The following PSME4 variants were observed in gnomAD, a reference collection of about 807,000 sequenced individuals.
The protein encoded by PSME4 is proteasome activator complex subunit 4.
Under a neutral mutation model 253.9 loss-of-function variants are expected in PSME4, and 89 were observed. That is an observed-to-expected ratio of 0.35 (90% CI 0.30 to 0.42). The LOEUF is 0.42. Ranked by LOEUF, PSME4 falls within the 10% of genes least tolerant of loss-of-function variation. The pLI, the probability that PSME4 is intolerant of heterozygous loss-of-function variation, is 1.00. For synonymous variants in PSME4, 851 were observed against 759.2 expected (o/e 1.12, Z -1.99); for missense variants, 2,014 against 2,195.2 (o/e 0.92, Z 1.65).
At chr2:53,872,738 T>A (rs1466036492) in intron 43 of PSME4, among the ~76,000 whole-genome samples, 1 of 47,094 alleles carries the variant, frequency 2.1e-5, no homozygotes, top group African/African-American at 1.1e-4. Context: ...CAAGACTTGG[T>A]CTCAAAAAAA....
chr2:53,909,553 AT>A (rs1191228083), intron 21 of PSME4, among the ~76,000 whole-genome samples: 29 of 152,226 alleles, frequency 1.9e-4, no homozygotes, highest in Admixed American at 3.3e-4. Flanking sequence ...CTTACTGGCT[AT>A]TCTTTATACA....
Position 53,949,223 on chromosome 2 carries a change from T to C in PSME4, c.303A>G (p.Leu101=). 1.2e-6 allele frequency: 2 copies of C among 1,611,184 alleles called. No homozygotes were observed. Among genetic ancestry groups the C allele is most frequent in the Non-Finnish European group, 1.7e-6 (2 of 1,178,582 alleles). The part of the protein sequence containing the change: ...SKEDHVLFIK[L]LYELVSIPKL... ...TTGGAATTGATACCAGCTCATACAA[T>C]AACTTAATAAAAAGAACATGATCTT... Residue 101 remains leucine, a synonymous_variant, in exon 2 of 47, where the codon TTA becomes TTG. Coordinates refer to ENST00000404125, the MANE Select transcript of PSME4 (RefSeq NM_014614.3).
intron 7 of PSME4, among the ~76,000 whole-genome samples, chr2:53,935,337 AAAC>A (rs1669051571): frequency 6.6e-6 from 1 of 152,210 alleles, no homozygotes; most frequent in Non-Finnish European, 1.5e-5. Flanking sequence ...TCTAATGGCC[AAAC>A]AACACAGGAA....
intron 14 of PSME4, among the ~76,000 whole-genome samples, chr2:53,923,942 A>T (rs1668447880): frequency 7.3e-6 from 1 of 137,768 alleles, no homozygotes; most frequent in African/African-American, 2.6e-5. Context: ...AAAAAAAAAA[A>T]AAATTGAGGT....
intron 19 of PSME4, 104 bp from the exon 20 acceptor site, chr2:53,919,350 G>C (rs1206952470): frequency 7.3e-7 from 1 of 1,364,902 alleles, no homozygotes; most frequent in Non-Finnish European, 9.5e-7. Flanking sequence ...AAATGATTAA[G>C]GTAAAGAAAT....
At chr2:53,946,674 TCACTTGAGCC>T (rs1413844150) in intron 3 of PSME4, among the ~76,000 whole-genome samples, 1 of 152,130 alleles carries the variant, frequency 6.6e-6, no homozygotes, top group Non-Finnish European at 1.5e-5. Flanking sequence ...GGCGGGAGGA[TCACTTGAGCC>T]CAGGAGTTCA....
intron 1 of PSME4, among the ~76,000 whole-genome samples, chr2:53,967,578 G>A (rs1428414568): frequency 6.9e-6 from 1 of 144,626 alleles, no homozygotes; most frequent in African/African-American, 2.5e-5. Flanking sequence ...GGAGGTGGAG[G>A]TGGAGGTTGC....
intron 3 of PSME4, among the ~76,000 whole-genome samples, chr2:53,940,966 T>A (rs966104967): frequency 0.012 from 802 of 67,726 alleles, 72 homozygotes; most frequent in African/African-American, 0.037. Flanking sequence ...TATATATATA[T>A]ATATATATAT....
At chr2:53,868,624 T>A (rs1678722751) in intron 44 of PSME4, among the ~76,000 whole-genome samples, 1 of 140,830 alleles carries the variant, frequency 7.1e-6, no homozygotes, top group Non-Finnish European at 1.5e-5. Flanking sequence ...CATATATATA[T>A]CCCAAAAAGC....
At chr2:53,908,961 T>A in intron 21 of PSME4, 121 bp from the exon 22 acceptor site, 1 of 666,138 alleles carries the variant, frequency 1.5e-6, no homozygotes, top group Non-Finnish European at 2.5e-6. Context: ...TAGGTCTGCC[T>A]TTACCATAGT....
chr2:53,912,973 T>C (rs941182518), intron 20 of PSME4, among the ~76,000 whole-genome samples: 1 of 152,240 alleles, frequency 6.6e-6, no homozygotes, highest in African/African-American at 2.4e-5. Context: ...ATCTATATTC[T>C]GACTAAAAGC....
intron 1 of PSME4, among the ~76,000 whole-genome samples, chr2:53,966,306 A>G (rs1438022288): frequency 1.3e-5 from 2 of 152,096 alleles, no homozygotes; most frequent in Non-Finnish European, 2.9e-5. Flanking sequence ...AATAAAAAAT[A>G]AAACACTCCA....
At chr2:53,939,014 T>A (rs1240983139) in intron 4 of PSME4, among the ~76,000 whole-genome samples, 4 of 152,190 alleles carry the variant, frequency 2.6e-5, no homozygotes, top group African/African-American at 9.7e-5. Context: ...AGCCAGTAAG[T>A]ATTGAAGTGA....
chr2:53,963,469 T>C (rs1022423930), intron 1 of PSME4, among the ~76,000 whole-genome samples: 4 of 152,196 alleles, frequency 2.6e-5, no homozygotes, highest in Admixed American at 6.5e-5. Context: ...AGAAGATTGA[T>C]GTCTGCCTCT....
At chr2:53,925,433 G>A in intron 14 of PSME4, 106 bp downstream of exon 14, 2 of 1,056,474 alleles carry the variant, frequency 1.9e-6, no homozygotes, top group Non-Finnish European at 2.5e-6. Context: ...TAGTATGAAT[G>A]TAAATGATAA....
intron 1 of PSME4, among the ~76,000 whole-genome samples, chr2:53,958,324 C>G (rs1573376408): frequency 6.6e-6 from 1 of 151,782 alleles, no homozygotes; most frequent in Admixed American, 6.6e-5. Flanking sequence ...CCGCTACACT[C>G]CAGGCTGGGC....
At chr2:53,870,944 A>G (rs1678849239) in intron 43 of PSME4, 1 of 151,878 alleles carries the variant, frequency 6.6e-6, no homozygotes, top group Admixed American at 6.6e-5. Context: ...CCTGCAGTAT[A>G]TTTTCTTAGA....
In PSME4 at chr2:53,922,938, A is replaced by C; in HGVS notation, c.1978+111T>G. On this transcript the variant is annotated intron_variant, in intron 16 of 46. Transcript: ENST00000404125. ...GGAGACAAATTTTCCCCAAATTGCCAATCAAAATATTGTGAAGCTAAAGGA... is the reference window on the plus strand; with the variant it reads ...GGAGACAAATTTTCCCCAAATTGCCCATCAAAATATTGTGAAGCTAAAGGA... 4.3e-6 allele frequency: 4 copies of C among 934,236 alleles called. No homozygotes were observed. The South Asian group carries it at 1.0e-4, about 24-fold the overall frequency. 57.9% of individuals were successfully genotyped at this position (934,236 alleles called of 1,614,324 possible). A position where few individuals can be genotyped will look rare whatever the true frequency, so the allele number is the denominator to read the frequency against.
At chr2:53,960,307 G>C (rs533623592) in intron 1 of PSME4, among the ~76,000 whole-genome samples, 1 of 151,820 alleles carries the variant, frequency 6.6e-6, no homozygotes, top group South Asian at 2.1e-4. Context: ...GCTGAGGTGG[G>C]AGGATCACTT....
Sources: gnomAD v4.1 joint callset for allele counts (sites outside exome capture counted in the v4.1 genomes callset) on GRCh38, gnomAD v4.1.1 for gene constraint, MANE v1.5 for transcripts, NCBI Gene and HGNC (gene_info 2026-07-23, HGNC 2026-07-21) for gene names.